Variants in SNAPC3 observed in about 807,000 individuals in gnomAD.
The protein encoded by SNAPC3 is small nuclear RNA activating complex polypeptide 3.
A neutral mutation model predicts 47.7 loss-of-function variants in SNAPC3; 56 were observed. That is an observed-to-expected ratio of 1.18 (90% confidence interval 0.95 to 1.47). SNAPC3 has a LOEUF of 1.47. Among genes scored for constraint, SNAPC3 ranks in the 40% most tolerant of loss-of-function variants. The pLI, the probability that SNAPC3 is intolerant of heterozygous loss-of-function variation, is 0.00. For missense variants in SNAPC3, 665 were observed against 511.3 expected (o/e 1.30, Z -2.90); for synonymous variants, 235 against 189.9 (o/e 1.24, Z -1.95).
In SNAPC3 at chr9:15,439,826, GC is replaced by G. The variant is rs2033164938; in HGVS notation, c.478-4773del. Among the ~76,000 whole-genome samples, 3 of 152,140 alleles carry G rather than the reference GC, an allele frequency of 2.0e-5. No individual in the cohort carries two copies. In the South Asian group the frequency reaches 6.2e-4, roughly 32 times the overall value. ...TGAGATTACAGGTGTGAGCCACTGT[GC>G]CCAGCCAGGATTACAATTAAATCTT... On this transcript the variant is annotated intron_variant, in intron 3 of 8. Transcript: ENST00000380821.
In SNAPC3 at chr9:15,459,954, C is replaced by T; in HGVS notation, c.*88C>T. 1 of 1,240,576 alleles carries T rather than the reference C, an allele frequency of 8.1e-7. No homozygotes were observed. Among genetic ancestry groups the T allele is most frequent in the African/African-American group, 1.5e-5 (1 of 66,450 alleles). The allele number at this position is 1,240,576 out of a possible 1,614,324, so 76.8% of individuals were successfully genotyped here. A position where few individuals can be genotyped will look rare whatever the true frequency, so the allele number is the denominator to read the frequency against. On this transcript the variant is annotated 3_prime_UTR_variant, in exon 9 of 9. Coordinates refer to ENST00000380821, the MANE Select transcript of SNAPC3 (RefSeq NM_001039697.2). ...ATTTCTAAGAAACGCCACTGAGGAA[C>T]AGGATCCACTTTGAACAGTCCGCTA...
intron 3 of SNAPC3, among the ~76,000 whole-genome samples, chr9:15,441,205 G>A (rs1563845848): frequency 1.3e-5 from 2 of 149,338 alleles, no homozygotes; most frequent in Admixed American, 6.7e-5. Context: ...TTTATTTAAC[G>A]TTATTATTAT....
intron 5 of SNAPC3, among the ~76,000 whole-genome samples, chr9:15,449,456 A>T: frequency 6.6e-6 from 1 of 150,634 alleles, no homozygotes; most frequent in Non-Finnish European, 1.5e-5. Context: ...TTTTTTAAGC[A>T]GGGATTAAAT....
At chr9:15,465,411 T>C, downstream of SNAPC3, 2 of 989,948 alleles carry the variant, frequency 2.0e-6, no homozygotes, top group Non-Finnish European at 3.0e-6. Context: ...CAAAACAAGT[T>C]TTCAACATCA....
Position 15,459,811 on chromosome 9 carries a change from A to G in SNAPC3, c.1181A>G (p.Asn394Ser). 1 of 1,613,502 alleles carries G rather than the reference A, an allele frequency of 6.2e-7. No individual in the cohort carries two copies. Among genetic ancestry groups the G allele is most frequent in the Non-Finnish European group, 8.5e-7 (1 of 1,179,706 alleles). Reference protein sequence around the residue: ...FRMLHYDSEGNKLGEFLAYPY... With the variant: ...FRMLHYDSEGSKLGEFLAYPY... ...ATGCTGCACTATGATTCAGAAGGCA[A>G]CAAACTGGGGGAATTCCTTGCTTAT... The change falls in exon 9 of 9, where the codon AAC becomes AGC. Residue 394 changes from asparagine (N) to serine (S), a missense_variant. Asn to Ser is a conservative substitution (Grantham distance 46). Coordinates refer to ENST00000380821, the MANE Select transcript of SNAPC3 (RefSeq NM_001039697.2).
chr9:15,465,450 TCAGCAG>T (rs2035552982), downstream of SNAPC3: 1 of 1,335,826 alleles, frequency 7.5e-7, no homozygotes, highest in African/African-American at 1.5e-5. Flanking sequence ...TTTAAAACTT[TCAGCAG>T]TCTATTTCAA....
chr9:15,444,501 C>A, intron 3 of SNAPC3, 101 bp from the exon 4 acceptor site: 1 of 696,116 alleles, frequency 1.4e-6, no homozygotes, highest in South Asian at 1.8e-5. Flanking sequence ...GTGTCAAACC[C>A]AAGGCTGCTT....
intron 7 of SNAPC3, among the ~76,000 whole-genome samples, chr9:15,454,738 C>T (rs917048784): frequency 6.6e-6 from 1 of 152,030 alleles, no homozygotes; most frequent in African/African-American, 2.4e-5. Context: ...GAGATCGAGA[C>T]CATGCTGGCT....
chr9:15,464,731 G>A (rs192059384), downstream of SNAPC3: 52 of 203,540 alleles, frequency 2.6e-4, no homozygotes, highest in East Asian at 4.0e-3. Context: ...AGTTACTAGT[G>A]CCTGCCTATA....
intron 6 of SNAPC3, 64 bp from the exon 7 acceptor site, chr9:15,452,977 C>G: frequency 6.7e-6 from 9 of 1,353,154 alleles, no homozygotes; most frequent in Non-Finnish European, 6.1e-6. Flanking sequence ...CAATCACAAA[C>G]TGTTTTCTGT....
intron 6 of SNAPC3, among the ~76,000 whole-genome samples, chr9:15,452,607 C>A (rs2034475888): frequency 6.6e-6 from 1 of 152,166 alleles, no homozygotes; most frequent in African/African-American, 2.4e-5. Flanking sequence ...TGTGAGCCAC[C>A]ATGCCCAGCC....
chr9:15,431,935 C>T (rs2032212016), intron 2 of SNAPC3: 1 of 137,482 alleles, frequency 7.3e-6, no homozygotes. Context: ...GCATATCATC[C>T]ATGCACAGGG....
At chr9:15,447,050 T>C (rs1254987926) in intron 4 of SNAPC3, 45 bp from the exon 5 acceptor site, 2 of 1,547,904 alleles carry the variant, frequency 1.3e-6, no homozygotes, top group Admixed American at 3.4e-5. Context: ...TGTAGTTTTA[T>C]CGCTTTGTCT....
chr9:15,458,285 A>G lies in SNAPC3; in HGVS notation c.1088+218A>G, dbSNP rs555102321. On this transcript the variant is annotated intron_variant, in intron 8 of 8. Coordinates refer to ENST00000380821, the MANE Select transcript of SNAPC3 (RefSeq NM_001039697.2). ...TGTACACAAGTCCAGGGATAGGTCA[A>G]ATTTCAGGCTTGTAAAATGTATACA... 1.5e-4 allele frequency among the ~76,000 whole-genome samples: 23 copies of G among 152,346 alleles called. 1 individual carries two copies. The highest frequency in any genetic ancestry group is 3.4e-3 in the Middle Eastern group (1 of 294).
downstream of SNAPC3, chr9:15,463,267 C>T (rs907239035): frequency 3.0e-5 from 4 of 134,554 alleles, no homozygotes; most frequent in Non-Finnish European, 6.1e-5. Context: ...CTCTGTCTCC[C>T]AGGCTGGAGT....
At chr9:15,425,131 A>G (rs1377206437) in intron 2 of SNAPC3, among the ~76,000 whole-genome samples, 1 of 152,116 alleles carries the variant, frequency 6.6e-6, no homozygotes, top group African/African-American at 2.4e-5. Context: ...GCCTTTCCAG[A>G]TTTATTTTCA....
chr9:15,437,071 T>C (rs2032887910), intron 3 of SNAPC3, among the ~76,000 whole-genome samples: 1 of 151,966 alleles, frequency 6.6e-6, no homozygotes, highest in Non-Finnish European at 1.5e-5. Context: ...GTGATCCGCC[T>C]GCCTCGGCCT....
chr9:15,425,720 T>C (rs2031289675), intron 2 of SNAPC3, among the ~76,000 whole-genome samples: 1 of 152,168 alleles, frequency 6.6e-6, no homozygotes, highest in Admixed American at 6.5e-5. Context: ...TCTGTAACTA[T>C]TGTTGATTGA....
In SNAPC3 at chr9:15,422,962, A is replaced by T. The variant is rs41316011; in HGVS notation, c.83A>T (p.Asn28Ile). The T allele has an allele frequency of 5.8e-6, 9 of 1,538,868 alleles. No individual in the cohort carries two copies. Among genetic ancestry groups the T allele is most frequent in the Non-Finnish European group, 7.8e-6 (9 of 1,148,006 alleles). The change falls in exon 1 of 9, where the codon AAC (asparagine) becomes ATC (isoleucine). Residue 28 changes from asparagine to isoleucine, a missense_variant. Physicochemically the swap from Asn to Ile is moderately radical, Grantham distance 149. Coordinates refer to ENST00000380821, the MANE Select transcript of SNAPC3 (RefSeq NM_001039697.2). ...QDPVSGSGGC[N>I]FPEYELPELN... Reference sequence around the variant, plus strand: ...CCAGTCTCCGGCAGTGGCGGCTGCAACTTTCCAGAGTATGAGCTTCCCGAG... The same window carrying T: ...CCAGTCTCCGGCAGTGGCGGCTGCATCTTTCCAGAGTATGAGCTTCCCGAG...
Sources: allele counts gnomAD v4.1 joint callset (sites outside exome capture counted in the v4.1 genomes callset), GRCh38; gene constraint gnomAD v4.1.1; transcripts MANE v1.5; gene names NCBI Gene and HGNC (gene_info 2026-07-23, HGNC 2026-07-21).